The following GLRA3 variants were observed in gnomAD, a reference collection of about 807,000 sequenced individuals.
The protein encoded by GLRA3 is glycine receptor subunit alpha-3.
GLRA3 carries 44 observed loss-of-function variants against 60.4 expected under a neutral mutation model. The observed-to-expected ratio is 0.73, with a 90% CI of 0.57 to 0.94. The LOEUF (loss-of-function observed/expected upper bound fraction) is 0.94, where lower values mean the gene tolerates loss of function less well. GLRA3 is among the 40% of genes least tolerant of loss of function. The probability of loss-of-function intolerance (pLI) is 0.00; values close to 1 mark genes in which losing one functional copy is unlikely to be tolerated. For missense variants in GLRA3, 508 were observed against 564.6 expected (o/e 0.90, Z 1.02); for synonymous variants, 223 against 192.9 (o/e 1.16, Z -1.29).
At chr4:174,817,726 CCT>C (rs1244082935) in intron 1 of GLRA3, among the ~76,000 whole-genome samples, 2 of 152,122 alleles carry the variant, frequency 1.3e-5, no homozygotes, top group African/African-American at 4.8e-5. Flanking sequence ...CCTGCCTCAG[CCT>C]CCCTAGTAGC....
chr4:174,701,651 T>C (rs142381367), intron 5 of GLRA3, among the ~76,000 whole-genome samples: 50 of 152,330 alleles, frequency 3.3e-4, no homozygotes, highest in African/African-American at 1.1e-3. Context: ...CACTATTCTA[T>C]AATGACGCCA....
chr4:174,728,770 G>T, intron 3 of GLRA3, 72 bp from the exon 4 acceptor site: 1 of 923,572 alleles, frequency 1.1e-6, no homozygotes, highest in East Asian at 2.5e-5. Flanking sequence ...TAGTGTCAGT[G>T]TGGTGCCAAG....
chr4:174,713,920 T>C (rs1735812702), intron 5 of GLRA3: 1 of 152,266 alleles, frequency 6.6e-6, no homozygotes, highest in Non-Finnish European at 1.5e-5. Flanking sequence ...ATTTTATCAA[T>C]TGTCCCATCA....
chr4:174,719,480 T>C (rs1042738618), intron 4 of GLRA3, among the ~76,000 whole-genome samples: 1 of 152,190 alleles, frequency 6.6e-6, no homozygotes, highest in African/African-American at 2.4e-5. Context: ...TATAAAAACC[T>C]ACATAAATAA....
chr4:174,700,767 T>A (rs1310313844), intron 5 of GLRA3, among the ~76,000 whole-genome samples: 2 of 152,154 alleles, frequency 1.3e-5, no homozygotes, highest in African/African-American at 4.8e-5. Context: ...ATGGAGAAAG[T>A]TTGAGTGGTC....
At chr4:174,746,228 A>G (rs1049879212) in intron 3 of GLRA3, among the ~76,000 whole-genome samples, 8 of 152,196 alleles carry the variant, frequency 5.3e-5, no homozygotes, top group Admixed American at 3.9e-4. Context: ...AGTAGCAAAG[A>G]TATGGAATAA....
At chr4:174,712,088 T>C (rs972228935) in intron 5 of GLRA3, among the ~76,000 whole-genome samples, 2 of 152,172 alleles carry the variant, frequency 1.3e-5, no homozygotes, top group Non-Finnish European at 2.9e-5. Context: ...TTTCCTTGCA[T>C]AAGCCTCTTC....
chr4:174,774,822 G>T (rs1193308953), intron 2 of GLRA3, among the ~76,000 whole-genome samples: 1 of 152,058 alleles, frequency 6.6e-6, no homozygotes, highest in Non-Finnish European at 1.5e-5. Context: ...TTAGAAGGTA[G>T]CAATCTATTC....
chr4:174,671,462 T>G (rs1561045335), intron 7 of GLRA3, among the ~76,000 whole-genome samples: 2 of 152,192 alleles, frequency 1.3e-5, no homozygotes, highest in Non-Finnish European at 2.9e-5. Context: ...CCTTCATTTT[T>G]CTTCCCATTT....
At chr4:174,664,508 C>A (rs930732760) in intron 7 of GLRA3, among the ~76,000 whole-genome samples, 7 of 152,152 alleles carry the variant, frequency 4.6e-5, no homozygotes, top group Non-Finnish European at 4.4e-5. Context: ...ACCCCCAAAT[C>A]TAGGAGGCTT....
intron 1 of GLRA3, among the ~76,000 whole-genome samples, chr4:174,802,284 C>T (rs941640280): frequency 2.6e-5 from 4 of 151,968 alleles, no homozygotes; most frequent in Admixed American, 6.6e-5. Flanking sequence ...AGAAATTGCT[C>T]CTCCTGGTCT....
chr4:174,783,581 G>A (rs1738988682), intron 2 of GLRA3, among the ~76,000 whole-genome samples: 1 of 140,750 alleles, frequency 7.1e-6, no homozygotes, highest in Admixed American at 7.1e-5. Context: ...CTGACAAAGG[G>A]CTAATATCCA....
chr4:174,689,999 C>T (rs4695787), intron 5 of GLRA3, among the ~76,000 whole-genome samples: 64,439 of 151,602 alleles, frequency 0.43, 14,194 homozygotes, highest in Middle Eastern at 0.54. Flanking sequence ...ATATGCACAA[C>T]GGAATACTAT....
intron 3 of GLRA3, among the ~76,000 whole-genome samples, chr4:174,732,720 T>C (rs1736601334): frequency 6.6e-6 from 1 of 152,108 alleles, no homozygotes; most frequent in Non-Finnish European, 1.5e-5. Context: ...GGAGATATAA[T>C]GTATGGCACC....
rs1736039580 is a variant in GLRA3, at chr4:174,719,052, C to T, written c.492-3482G>A. Among the ~76,000 whole-genome samples the T allele has an allele frequency of 4.0e-5, 6 of 151,018 alleles. No homozygotes were observed. The South Asian group carries it at 6.3e-4, about 16-fold the overall frequency. On this transcript the variant is annotated intron_variant, in intron 4 of 9. Coordinates refer to ENST00000274093, the MANE Select transcript of GLRA3 (RefSeq NM_006529.4). ...ATCTCGGCTCACTGCAGGCTCCGCCCCCTGGGGTTCACCCCATTCTCCTGC... is the reference window on the plus strand; with the variant it reads ...ATCTCGGCTCACTGCAGGCTCCGCCTCCTGGGGTTCACCCCATTCTCCTGC...
At chr4:174,721,025 G>A (rs1250484320) in intron 4 of GLRA3, among the ~76,000 whole-genome samples, 1 of 148,450 alleles carries the variant, frequency 6.7e-6, no homozygotes, top group Non-Finnish European at 1.5e-5. Context: ...GTGTGTGTGT[G>A]TGTGTGTGTG....
At chr4:174,813,681 T>G (rs755662985) in intron 1 of GLRA3, among the ~76,000 whole-genome samples, 1 of 152,342 alleles carries the variant, frequency 6.6e-6, no homozygotes. Flanking sequence ...ATATTCTGCC[T>G]CTATTCTAAC....
intron 1 of GLRA3, among the ~76,000 whole-genome samples, chr4:174,822,615 C>A (rs1740784711): frequency 6.6e-6 from 1 of 152,104 alleles, no homozygotes; most frequent in Admixed American, 6.5e-5. Context: ...ACTGGATGGA[C>A]CAGTTACCTC....
intron 5 of GLRA3, among the ~76,000 whole-genome samples, chr4:174,709,425 A>C (rs145103846): frequency 1.5e-3 from 227 of 152,166 alleles, no homozygotes; most frequent in Middle Eastern, 0.01. Flanking sequence ...AATTTTGAGA[A>C]TAAAGTGTGA....
Sources: allele counts gnomAD v4.1 joint callset (sites outside exome capture counted in the v4.1 genomes callset), GRCh38; gene constraint gnomAD v4.1.1; transcripts MANE v1.5; gene names NCBI Gene and HGNC (gene_info 2026-07-23, HGNC 2026-07-21).